PRKCB: variants seen among roughly 807,000 people sequenced by gnomAD.
PRKCB encodes the protein protein kinase C beta, also known as protein kinase C beta type.
In PRKCB, 13 loss-of-function variants were observed where a neutral mutation model predicts 81.5. That is an observed-to-expected ratio of 0.16 (90% CI 0.10 to 0.25). PRKCB has a LOEUF of 0.25. Ranked by LOEUF, PRKCB falls within the 10% of genes least tolerant of loss-of-function variation. The pLI, the probability that PRKCB is intolerant of heterozygous loss-of-function variation, is 1.00. For synonymous variants in PRKCB, 335 were observed against 321.4 expected (o/e 1.04, Z -0.45); for missense variants, 509 against 875.7 (o/e 0.58, Z 5.29).
rs542387229 is a variant in PRKCB, at chr16:23,926,449, A to G, written c.206-62059A>G. 1.0e-3 allele frequency among the ~76,000 whole-genome samples: 147 copies of G among 146,940 alleles called. 1 individual carries two copies. The highest frequency in any genetic ancestry group is 3.5e-3 in the African/African-American group (138 of 39,594). ...CAGTGAGCCGAGATTGCCCCACTGC[A>G]CTCCAGCCTGGGCGACAGAGTGAGA... On this transcript the variant is annotated intron_variant, in intron 2 of 16. Coordinates refer to ENST00000643927, the MANE Select transcript of PRKCB (RefSeq NM_002738.7).
chr16:24,087,902 C>T (rs1257490670), intron 5 of PRKCB, among the ~76,000 whole-genome samples: 1 of 152,174 alleles, frequency 6.6e-6, no homozygotes, highest in Non-Finnish European at 1.5e-5. Flanking sequence ...GCCCCATGCC[C>T]ACGGCAAGCA....
At chr16:23,933,174 T>A (rs377400072) in intron 2 of PRKCB, among the ~76,000 whole-genome samples, 5 of 152,326 alleles carry the variant, frequency 3.3e-5, no homozygotes, top group African/African-American at 1.2e-4. Flanking sequence ...TGGACCCAGT[T>A]TGGGTCATGT....
chr16:24,070,553 T>A (rs1303314086), intron 5 of PRKCB, among the ~76,000 whole-genome samples: 1 of 152,148 alleles, frequency 6.6e-6, no homozygotes, highest in African/African-American at 2.4e-5. Flanking sequence ...ATAATAATAA[T>A]GACTAGGAGT....
intron 5 of PRKCB, among the ~76,000 whole-genome samples, chr16:24,063,143 C>A (rs1965993483): frequency 6.6e-6 from 1 of 152,078 alleles, no homozygotes; most frequent in East Asian, 1.9e-4. Context: ...CTAGGGGTAG[C>A]AATGACATCT....
At chr16:24,097,711 A>G (rs1029615285) in intron 7 of PRKCB, among the ~76,000 whole-genome samples, 2 of 152,222 alleles carry the variant, frequency 1.3e-5, no homozygotes, top group Non-Finnish European at 2.9e-5. Context: ...TAAGACATCA[A>G]TCAATACATG....
At position 24,094,908 on chromosome 16, in the gene PRKCB, G is replaced by A. The variant is rs1265912538; in HGVS notation, c.821+611G>A. On this transcript the variant is annotated intron_variant, in intron 7 of 16. Transcript: ENST00000643927. ...AAGAAAGAAAGAAGAAAGAAAGACGGAAAGCAGGAAGGAAGGAAGGGAGGA... is the reference window on the plus strand; with the variant it reads ...AAGAAAGAAAGAAGAAAGAAAGACGAAAAGCAGGAAGGAAGGAAGGGAGGA... Among the ~76,000 whole-genome samples, 14 of 151,880 alleles carry A rather than the reference G, an allele frequency of 9.2e-5. No individual in the cohort carries two copies. In the East Asian group the frequency reaches 2.7e-3, roughly 29 times the overall value.
intron 2 of PRKCB, among the ~76,000 whole-genome samples, chr16:23,880,591 G>T (rs1207567644): frequency 2.0e-5 from 3 of 151,924 alleles, no homozygotes; most frequent in African/African-American, 4.8e-5. Context: ...GTTACTGGGG[G>T]TTCTTTCTGT....
At chr16:23,975,260 G>A (rs1964609984) in intron 2 of PRKCB, among the ~76,000 whole-genome samples, 1 of 152,114 alleles carries the variant, frequency 6.6e-6, no homozygotes, top group Non-Finnish European at 1.5e-5. Flanking sequence ...TGAGTTGGGG[G>A]CCTGGGATTG....
At chr16:24,142,691 GAA>G (rs1966919365) in intron 9 of PRKCB, among the ~76,000 whole-genome samples, 2 of 152,212 alleles carry the variant, frequency 1.3e-5, no homozygotes, top group Non-Finnish European at 2.9e-5. Flanking sequence ...CTCGTCCACG[GAA>G]GGGCTGGGGG....
At chr16:24,024,563 C>A (rs1965451585) in intron 3 of PRKCB, among the ~76,000 whole-genome samples, 1 of 152,140 alleles carries the variant, frequency 6.6e-6, no homozygotes, top group Non-Finnish European at 1.5e-5. Context: ...ATATTCAGAA[C>A]AATCAGAACA....
At chr16:23,864,899 T>A (rs970402215) in intron 2 of PRKCB, among the ~76,000 whole-genome samples, 3 of 152,166 alleles carry the variant, frequency 2.0e-5, no homozygotes, top group Non-Finnish European at 4.4e-5. Flanking sequence ...CCTCTCCCTC[T>A]TGGGGTCCCT....
chr16:24,114,167 T>C (rs1449898044), intron 8 of PRKCB, among the ~76,000 whole-genome samples: 2 of 148,634 alleles, frequency 1.3e-5, no homozygotes, highest in East Asian at 2.1e-4. Context: ...TGAGCCAAGA[T>C]TGTGCCACTG....
At chr16:23,936,542 A>G (rs1964059839) in intron 2 of PRKCB, among the ~76,000 whole-genome samples, 1 of 146,680 alleles carries the variant, frequency 6.8e-6, no homozygotes, top group South Asian at 2.3e-4. Flanking sequence ...CTTCCTGCGT[A>G]GGTGAGGTCA....
chr16:24,035,413 TCA>T lies in PRKCB; in HGVS notation c.401-3_401-2del, dbSNP rs1214974840. 1 of 1,613,342 alleles carries T rather than the reference TCA, an allele frequency of 6.2e-7. No homozygotes were observed. The highest frequency in any genetic ancestry group is 1.1e-5 in the South Asian group (1 of 90,984). On this transcript the variant is annotated splice_polypyrimidine_tract_variant and splice_region_variant and intron_variant, in intron 4 of 16. Transcript: ENST00000643927. ...TAAGCCACATCCCCTCTCTCTGCCCTCACAGCCTGCATGATGAATGTGCACAA... is the reference window on the plus strand; with the variant it reads ...TAAGCCACATCCCCTCTCTCTGCCCTCAGCCTGCATGATGAATGTGCACAA...
intron 2 of PRKCB, among the ~76,000 whole-genome samples, chr16:23,873,686 G>A (rs901505252): frequency 1.3e-5 from 2 of 152,196 alleles, no homozygotes; most frequent in Non-Finnish European, 2.9e-5. Context: ...CCAGTGGATA[G>A]GGACATGGAA....
At chr16:24,110,842 TTTTG>T (rs1312060098) in intron 7 of PRKCB, among the ~76,000 whole-genome samples, 1 of 152,170 alleles carries the variant, frequency 6.6e-6, no homozygotes, top group Non-Finnish European at 1.5e-5. Flanking sequence ...GTTTGTTTTG[TTTTG>T]TTTGTTTTTA....
At chr16:24,074,888 A>G (rs1169757516) in intron 5 of PRKCB, among the ~76,000 whole-genome samples, 2 of 152,178 alleles carry the variant, frequency 1.3e-5, no homozygotes, top group African/African-American at 4.8e-5. Context: ...TTGGGAGGCC[A>G]AGGTGGAAGG....
intron 15 of PRKCB, among the ~76,000 whole-genome samples, chr16:24,189,551 A>C (rs1355162374): frequency 6.7e-6 from 1 of 149,946 alleles, no homozygotes; most frequent in Admixed American, 6.7e-5. Flanking sequence ...CTGAGGCAGG[A>C]GAATGGCGTG....
intron 2 of PRKCB, among the ~76,000 whole-genome samples, chr16:23,977,977 G>A (rs1487964892): frequency 6.6e-6 from 1 of 152,106 alleles, no homozygotes; most frequent in Non-Finnish European, 1.5e-5. Flanking sequence ...TATAAGCCAG[G>A]CACGTGGTAG....
Sources: allele counts gnomAD v4.1 joint callset (sites outside exome capture counted in the v4.1 genomes callset), GRCh38; gene constraint gnomAD v4.1.1; transcripts MANE v1.5; gene names NCBI Gene and HGNC (gene_info 2026-07-23, HGNC 2026-07-21).